Variants in FAM193A observed in about 807,000 individuals in gnomAD.
The protein encoded by FAM193A is protein FAM193A.
Under a neutral mutation model 126.5 loss-of-function variants are expected in FAM193A, and 22 were observed. The ratio of observed to expected loss-of-function variants is 0.17; its 90% CI spans 0.12 to 0.25. FAM193A has a LOEUF of 0.25. Ranked by LOEUF, FAM193A falls within the 10% of genes least tolerant of loss-of-function variation. The pLI, the probability that FAM193A is intolerant of heterozygous loss-of-function variation, is 1.00. For synonymous variants in FAM193A, 761 were observed against 646.8 expected, an observed-to-expected ratio of 1.18 and a Z score of -2.68; for missense variants, 1,675 against 1,672.8, an observed-to-expected ratio of 1.00 and a Z score of -0.02.
upstream of FAM193A, among the ~76,000 whole-genome samples, chr4:2,535,668 T>G (rs922709881): frequency 2.8e-5 from 4 of 140,484 alleles, no homozygotes; most frequent in East Asian, 7.7e-4. Flanking sequence ...AAGCCCTTAT[T>G]TCTGATCTGG....
chr4:2,695,996 C>G (rs1312719675), intron 17 of FAM193A, among the ~76,000 whole-genome samples: 2 of 151,536 alleles, frequency 1.3e-5, no homozygotes, highest in Non-Finnish European at 2.9e-5. Flanking sequence ...CCACTGCACT[C>G]CAACCTGGGT....
rs536574978 is a variant in FAM193A, at chr4:2,576,808, C to T, written c.256-19276C>T. 7.2e-5 allele frequency among the ~76,000 whole-genome samples: 11 copies of T among 152,266 alleles called. No homozygotes were observed. The South Asian group carries it at 1.2e-3, about 17-fold the overall frequency. On this transcript the variant is annotated intron_variant, in intron 1 of 20. Coordinates refer to ENST00000637812, the MANE Select transcript of FAM193A (RefSeq NM_001366318.2). ...TGAAGTAGTAGGTGCTGTTGTTACCCCAATTTTATGCTGTGGTAATAGGCA... is the reference window on the plus strand; with the variant it reads ...TGAAGTAGTAGGTGCTGTTGTTACCTCAATTTTATGCTGTGGTAATAGGCA...
intron 7 of FAM193A, among the ~76,000 whole-genome samples, chr4:2,649,259 G>A (rs1467031099): frequency 3.3e-5 from 5 of 151,512 alleles, no homozygotes; most frequent in African/African-American, 9.7e-5. Flanking sequence ...TTGTGGTTCC[G>A]GCCACTCCAG....
intron 5 of FAM193A, among the ~76,000 whole-genome samples, chr4:2,637,738 A>G (rs1744227899): frequency 1.3e-5 from 2 of 152,162 alleles, no homozygotes. Flanking sequence ...GAGCCCCTCT[A>G]TGCTGGTTCC....
chr4:2,695,428 C>T (rs1466899050), intron 17 of FAM193A, among the ~76,000 whole-genome samples: 1 of 152,126 alleles, frequency 6.6e-6, no homozygotes, highest in Non-Finnish European at 1.5e-5. Flanking sequence ...TTGTAGCCAG[C>T]GACAGCAGCG....
intron 2 of FAM193A, among the ~76,000 whole-genome samples, chr4:2,602,457 C>T (rs763689369): frequency 2.7e-5 from 4 of 149,182 alleles, no homozygotes; most frequent in African/African-American, 4.9e-5. Context: ...TAGGTTCAAA[C>T]GATAATCCTG....
At chr4:2,605,254 C>A (rs77652334) in intron 2 of FAM193A, among the ~76,000 whole-genome samples, 1,899 of 152,254 alleles carry the variant, frequency 0.012, 32 homozygotes, top group African/African-American at 0.043. Flanking sequence ...CTAGTCATTA[C>A]CCTCTTGCAG....
At chr4:2,729,525 A>T (rs1721140782) in intron 20 of FAM193A, among the ~76,000 whole-genome samples, 1 of 152,122 alleles carries the variant, frequency 6.6e-6, no homozygotes, top group Non-Finnish European at 1.5e-5. Context: ...AGAGCTTTGT[A>T]ATGAACTTCC....
chr4:2,550,843 C>T (rs556852292), intron 1 of FAM193A, among the ~76,000 whole-genome samples: 1 of 151,084 alleles, frequency 6.6e-6, no homozygotes, highest in African/African-American at 2.4e-5. Flanking sequence ...CTCTGTCTCC[C>T]AGGCTGGAGT....
In FAM193A at chr4:2,630,922, C is replaced by A. The variant is rs748824110; in HGVS notation, c.804-13C>A. 6.0e-6 allele frequency: 9 copies of A among 1,506,752 alleles called. No individual in the cohort carries two copies. Among genetic ancestry groups the A allele is most frequent in the African/African-American group, 5.5e-5 (4 of 72,824 alleles). The allele number at this position is 1,506,752 out of a possible 1,614,324, so 93.3% of individuals were successfully genotyped here. ...CTGGTGGGCAGGCCCTGGTGACCCTCTTCTCTGTGCAGGCTCTGCGAGAGG... is the reference window on the plus strand; with the variant it reads ...CTGGTGGGCAGGCCCTGGTGACCCTATTCTCTGTGCAGGCTCTGCGAGAGG... On this transcript the variant is annotated splice_polypyrimidine_tract_variant and intron_variant, in intron 4 of 20. Coordinates refer to ENST00000637812, the MANE Select transcript of FAM193A (RefSeq NM_001366318.2).
At chr4:2,726,908 CCA>C (rs1413297654) in intron 20 of FAM193A, among the ~76,000 whole-genome samples, 1 of 144,462 alleles carries the variant, frequency 6.9e-6, no homozygotes, top group African/African-American at 2.6e-5. Flanking sequence ...CCAGATCGTG[CCA>C]TTACACTCCA....
chr4:2,629,804 A>G (rs190535905), intron 4 of FAM193A, among the ~76,000 whole-genome samples: 1 of 152,296 alleles, frequency 6.6e-6, no homozygotes, highest in East Asian at 1.9e-4. Flanking sequence ...AAATTTAACC[A>G]TAGCAATGCC....
chr4:2,628,738 A>T (rs17164054), intron 4 of FAM193A, among the ~76,000 whole-genome samples: 1 of 152,188 alleles, frequency 6.6e-6, no homozygotes, highest in Admixed American at 6.5e-5. Context: ...TAACATTGCA[A>T]CTTCAGTACT....
intron 20 of FAM193A, 128 bp downstream of exon 20, chr4:2,716,232 G>A: frequency 1.4e-6 from 1 of 697,058 alleles, no homozygotes. Flanking sequence ...AGACAACATG[G>A]CTTCTGAAGA....
intron 6 of FAM193A, among the ~76,000 whole-genome samples, chr4:2,642,984 T>C (rs1744789978): frequency 6.6e-6 from 1 of 152,128 alleles, no homozygotes; most frequent in African/African-American, 2.4e-5. Context: ...ATTTTCCGTT[T>C]GCTCATTGGG....
In FAM193A at chr4:2,627,817, A is replaced by G. The variant is rs1251791376; in HGVS notation, c.803+1240A>G. ...GAGTGCAGTGGCGCAATCTGGGCTC[A>G]CTGCAAGCTCTGCCTCCTGGGTTCA... On this transcript the variant is annotated intron_variant, in intron 4 of 20. Coordinates refer to ENST00000637812, the MANE Select transcript of FAM193A (RefSeq NM_001366318.2). Among the ~76,000 whole-genome samples, 7 of 149,724 alleles carry G rather than the reference A, an allele frequency of 4.7e-5. No individual in the cohort carries two copies. In the South Asian group the frequency reaches 1.1e-3, roughly 23 times the overall value.
chr4:2,686,699 A>G (rs1255619605), intron 13 of FAM193A, among the ~76,000 whole-genome samples: 1 of 152,186 alleles, frequency 6.6e-6, no homozygotes, highest in Non-Finnish European at 1.5e-5. Context: ...TGAGGAGTCC[A>G]GGAGGCACTT....
At chr4:2,725,051 G>C (rs544882534) in intron 20 of FAM193A, among the ~76,000 whole-genome samples, 1 of 151,970 alleles carries the variant, frequency 6.6e-6, no homozygotes, top group African/African-American at 2.4e-5. Context: ...TAATTTTTTT[G>C]TGTTTTTAGT....
intron 20 of FAM193A, among the ~76,000 whole-genome samples, chr4:2,721,340 AAG>A (rs1560616279): frequency 8.7e-6 from 1 of 114,638 alleles, no homozygotes; most frequent in African/African-American, 3.4e-5. Context: ...AAAAAAAAAA[AAG>A]CCAGGCATGG....
Sources: allele counts gnomAD v4.1 joint callset (sites outside exome capture counted in the v4.1 genomes callset), GRCh38; gene constraint gnomAD v4.1.1; transcripts MANE v1.5; gene names NCBI Gene and HGNC (gene_info 2026-07-23, HGNC 2026-07-21).